The following PTPRE variants were observed in gnomAD, a reference collection of about 807,000 sequenced individuals.
PTPRE encodes receptor-type tyrosine-protein phosphatase epsilon.
In PTPRE, 51 loss-of-function variants were observed where a neutral mutation model predicts 102.0. The observed-to-expected ratio is 0.50, with a 90% CI of 0.40 to 0.63. The LOEUF (loss-of-function observed/expected upper bound fraction) is 0.63. Ranked by LOEUF, PTPRE falls within the 30% of genes least tolerant of loss-of-function variation. The probability of loss-of-function intolerance (pLI) is 0.00; values close to 1 mark genes in which losing one functional copy is unlikely to be tolerated. For synonymous variants in PTPRE, 345 were observed against 348.2 expected (o/e 0.99, Z 0.10); for missense variants, 752 against 915.1 (o/e 0.82, Z 2.30).
chr10:128,071,101 G>A, intron 15 of PTPRE, 200 bp downstream of exon 15: 1 of 604,514 alleles, frequency 1.7e-6, no homozygotes, highest in Non-Finnish European at 2.9e-6. Flanking sequence ...AGCTGACCCA[G>A]ACAGTCCTGC....
Position 127,907,711 on chromosome 10 carries a change from C to T in PTPRE, c.-31+402C>T, listed in dbSNP as rs967304337. Among the ~76,000 whole-genome samples, 1 of 152,120 alleles carries T rather than the reference C, an allele frequency of 6.6e-6. No homozygotes were observed. The highest frequency in any genetic ancestry group is 6.5e-5 in the Admixed American group (1 of 15,286). ...TGCAGGCCGCGCGTGGGGGGCTGCG[C>T]CCACTCGAGGCTGGAGGCTGGAGCC... On this transcript the variant is annotated intron_variant, in intron 1 of 20. Transcript: ENST00000254667. The surrounding 1 kb of genome is among the most constrained non-coding windows in gnomAD (Gnocchi z 4.8).
intron 2 of PTPRE, among the ~76,000 whole-genome samples, chr10:127,985,828 C>G (rs77631977): frequency 6.6e-6 from 1 of 152,062 alleles, no homozygotes; most frequent in African/African-American, 2.4e-5. Context: ...CGGTGGCTCA[C>G]ACCTGTAATC....
chr10:127,913,421 C>A (rs914760231), intron 1 of PTPRE, among the ~76,000 whole-genome samples: 7 of 152,168 alleles, frequency 4.6e-5, no homozygotes, highest in African/African-American at 1.7e-4. Context: ...AAATTAGTTC[C>A]ATCTTTCTTC....
At chr10:127,999,030 A>C (rs1425473989) in intron 2 of PTPRE, 10 of 152,126 alleles carry the variant, frequency 6.6e-5, no homozygotes. Flanking sequence ...TCTTCAAAGC[A>C]GCATCGTGCC....
chr10:127,912,461 G>A (rs1845928220), intron 1 of PTPRE, among the ~76,000 whole-genome samples: 1 of 152,122 alleles, frequency 6.6e-6, no homozygotes, highest in African/African-American at 2.4e-5. Flanking sequence ...GTAACAAAAG[G>A]GGCAGAGAAA....
chr10:127,976,682 G>T (rs1816273157), intron 1 of PTPRE, among the ~76,000 whole-genome samples: 1 of 152,210 alleles, frequency 6.6e-6, no homozygotes. Flanking sequence ...ACGCTGTGGG[G>T]AAGGCAGGAT....
chr10:127,948,420 T>C (rs1418978753), intron 1 of PTPRE, among the ~76,000 whole-genome samples: 2 of 152,172 alleles, frequency 1.3e-5, no homozygotes, highest in Non-Finnish European at 2.9e-5. Flanking sequence ...GTACATTCTA[T>C]GCATTTGGAC....
chr10:127,938,589 A>T (rs571269704), intron 1 of PTPRE, among the ~76,000 whole-genome samples: 7 of 152,302 alleles, frequency 4.6e-5, no homozygotes, highest in South Asian at 4.1e-4. Context: ...GACTTTTTTT[A>T]AAAAATAAGT....
At chr10:127,916,724 T>G (rs1846233634) in intron 1 of PTPRE, among the ~76,000 whole-genome samples, 1 of 151,998 alleles carries the variant, frequency 6.6e-6, no homozygotes, top group Non-Finnish European at 1.5e-5. Flanking sequence ...GGTGGAAAGT[T>G]TAAGGATCAC....
chr10:128,077,310 G>A (rs1190771232), intron 18 of PTPRE, among the ~76,000 whole-genome samples: 1 of 152,230 alleles, frequency 6.6e-6, no homozygotes, highest in African/African-American at 2.4e-5. Flanking sequence ...TTGAGAAAGT[G>A]ATTCCCTTCT....
rs544744646 is a variant in PTPRE at position 127,922,451 on chromosome 10, G to T, written c.-31+15142G>T. On this transcript the variant is annotated intron_variant, in intron 1 of 20. Transcript: ENST00000254667. ...CAAGGGGGCCAGGGGGCCATCGAGG[G>T]CCGCTCTGAGGTCCTTGTGTTGTCC... Among the ~76,000 whole-genome samples, 10 of 152,364 alleles carry T rather than the reference G, an allele frequency of 6.6e-5. No individual in the cohort carries two copies. In the East Asian group the frequency reaches 1.7e-3, roughly 26 times the overall value.
chr10:127,970,996 C>G (rs1384291992), intron 1 of PTPRE, among the ~76,000 whole-genome samples: 1 of 152,136 alleles, frequency 6.6e-6, no homozygotes, highest in Non-Finnish European at 1.5e-5. Context: ...AAATCAGCTG[C>G]AGTCATTATC....
At chr10:127,966,842 C>T (rs892746895) in intron 1 of PTPRE, among the ~76,000 whole-genome samples, 47 of 151,908 alleles carry the variant, frequency 3.1e-4, no homozygotes, top group Non-Finnish European at 1.3e-4. Context: ...GTCCCTCCTG[C>T]GAAGGAAGTC....
chr10:127,980,814 T>C (rs1348471332), intron 1 of PTPRE, among the ~76,000 whole-genome samples: 2 of 152,270 alleles, frequency 1.3e-5, no homozygotes, highest in Non-Finnish European at 2.9e-5. Flanking sequence ...CTTTATTTGA[T>C]ATGATTTAAA....
chr10:127,913,736 G>T (rs181532621), intron 1 of PTPRE, among the ~76,000 whole-genome samples: 174 of 152,272 alleles, frequency 1.1e-3, no homozygotes, highest in Non-Finnish European at 2.3e-3. Flanking sequence ...GCAGGTTCCC[G>T]GTGAAACTCT....
chr10:127,913,045 A>G (rs1845969396), intron 1 of PTPRE, among the ~76,000 whole-genome samples: 1 of 152,208 alleles, frequency 6.6e-6, no homozygotes. Context: ...GGCCCATGAG[A>G]CTGAGGCTCT....
chr10:128,047,955 T>G, intron 5 of PTPRE, 118 bp downstream of exon 5: 1 of 969,528 alleles, frequency 1.0e-6, no homozygotes, highest in South Asian at 1.7e-5. Flanking sequence ...CTTGCCACTT[T>G]CATCTCACTC....
intron 1 of PTPRE, among the ~76,000 whole-genome samples, chr10:127,923,398 ATTTTT>A (rs35994733): frequency 9.4e-6 from 1 of 106,918 alleles, no homozygotes; most frequent in Admixed American, 9.6e-5. Flanking sequence ...ACCAGTTTGA[ATTTTT>A]TTTTTTTTTT....
intron 1 of PTPRE, among the ~76,000 whole-genome samples, chr10:127,977,006 A>T (rs1310475993): frequency 2.0e-5 from 3 of 152,198 alleles, no homozygotes; most frequent in Admixed American, 2.0e-4. Flanking sequence ...AATTAAAGTG[A>T]TGAGGTCTCT....
Sources: gnomAD v4.1 joint callset for allele counts (sites outside exome capture counted in the v4.1 genomes callset) on GRCh38, gnomAD v4.1.1 for gene constraint, Gnocchi (gnomAD v3.1) non-coding constraint, MANE v1.5 for transcripts, NCBI Gene and HGNC (gene_info 2026-07-23, HGNC 2026-07-21) for gene names.